The following ABLIM3 variants were observed in gnomAD, a reference collection of about 807,000 sequenced individuals.
The protein encoded by ABLIM3 is actin-binding LIM protein 3.
Under a neutral mutation model 109.5 loss-of-function variants are expected in ABLIM3, and 61 were observed. The ratio of observed to expected loss-of-function variants is 0.56; its 90% CI spans 0.45 to 0.69. The LOEUF (loss-of-function observed/expected upper bound fraction) is 0.69, where lower values mean the gene tolerates loss of function less well. ABLIM3 is among the 30% of genes least tolerant of loss of function. ABLIM3 has a pLI of 0.00. For synonymous variants in ABLIM3, 300 were observed against 324.8 expected (o/e 0.92, Z 0.82); for missense variants, 796 against 889.5 (o/e 0.89, Z 1.34).
In ABLIM3 at chr5:149,200,320, C is replaced by G. The variant is rs1443698458; in HGVS notation, c.340C>G (p.Pro114Ala). Residue 114 changes from proline to alanine, a missense_variant, in exon 5 of 24, where the codon CCT (proline) becomes GCT (alanine). Transcript: ENST00000309868. ...KCFVCSLCRKPFPIGDKVTFS... is the reference protein window; with the variant it reads ...KCFVCSLCRKAFPIGDKVTFS... ...TCTCCCTCATCCCACTTGCAGGAAG[C>G]CTTTCCCCATTGGAGACAAGGTGAC... is the stretch of plus-strand genomic sequence containing the variant. The G allele has an allele frequency of 6.2e-7, 1 of 1,614,046 alleles. No homozygotes were observed. The highest frequency in any genetic ancestry group is 2.2e-5 in the East Asian group (1 of 44,902).
Position 149,244,642 on chromosome 5 carries a change from A to T in ABLIM3, c.1352-239A>T. 3 of 532,850 alleles carry T rather than the reference A, an allele frequency of 5.6e-6. No homozygotes were observed. In the South Asian group the frequency reaches 6.5e-5, roughly 12 times the overall value. 33.0% of individuals were successfully genotyped at this position (532,850 alleles called of 1,614,324 possible). ...GGTCCAGTTCTGGTGCTCACATGCT[A>T]TGTGGTCTTAAGCAAGCCCCTTCCC... On this transcript the variant is annotated intron_variant, in intron 15 of 23. Transcript: ENST00000309868.
chr5:149,234,805 T>C (rs991288522), intron 10 of ABLIM3, among the ~76,000 whole-genome samples: 1 of 152,184 alleles, frequency 6.6e-6, no homozygotes. Context: ...AATATGAGTA[T>C]GTTTCCAGAA....
rs377116200 is a variant in ABLIM3 at position 149,209,126 on chromosome 5, T to A, written c.576-1600T>A. On this transcript the variant is annotated intron_variant, in intron 6 of 23. Coordinates refer to ENST00000309868, the MANE Select transcript of ABLIM3 (RefSeq NM_014945.5). ...TGCTAGCAGGAGTTTGGCATTCCCC[T>A]CTATGCCCACCAAGCAAGGAGTGCC... 4.9e-4 allele frequency among the ~76,000 whole-genome samples: 74 copies of A among 152,216 alleles called. 1 individual carries two copies. The South Asian group carries it at 6.0e-3, about 12-fold the overall frequency.
At chr5:149,141,959 G>A in intron 1 of ABLIM3, 50 bp from the exon 2 acceptor site, 1 of 1,249,342 alleles carries the variant, frequency 8.0e-7, no homozygotes. Flanking sequence ...GAGGGAGAGA[G>A]AGCACCTGAG....
chr5:149,200,072 A>G, intron 4 of ABLIM3, among the ~76,000 whole-genome samples: 1 of 152,336 alleles, frequency 6.6e-6, no homozygotes, highest in East Asian at 1.9e-4. Flanking sequence ...CTAGACAAGT[A>G]AGGTCAGATA....
intron 8 of ABLIM3, among the ~76,000 whole-genome samples, chr5:149,226,934 G>A (rs548303338): frequency 1.3e-5 from 2 of 152,072 alleles, no homozygotes; most frequent in Non-Finnish European, 2.9e-5. Flanking sequence ...GCCGGGTGTT[G>A]TAGTGCATGT....
At chr5:149,229,605 T>A (rs1482170072) in intron 8 of ABLIM3, among the ~76,000 whole-genome samples, 1 of 152,220 alleles carries the variant, frequency 6.6e-6, no homozygotes, top group Non-Finnish European at 1.5e-5. Flanking sequence ...AAGCATAATA[T>A]AAAGTATATC....
chr5:149,197,477 A>G (rs781125249), intron 3 of ABLIM3, among the ~76,000 whole-genome samples: 2 of 152,036 alleles, frequency 1.3e-5, no homozygotes, highest in Non-Finnish European at 1.5e-5. Flanking sequence ...CATTTTTTCT[A>G]TATGATCTTC....
intron 7 of ABLIM3, among the ~76,000 whole-genome samples, chr5:149,212,849 G>A (rs1293958591): frequency 6.6e-6 from 1 of 152,160 alleles, no homozygotes; most frequent in East Asian, 1.9e-4. Flanking sequence ...CAGAGGCTGG[G>A]AGTGGTGGCT....
intron 10 of ABLIM3, among the ~76,000 whole-genome samples, chr5:149,236,250 G>T (rs1368453599): frequency 6.6e-6 from 1 of 152,194 alleles, no homozygotes; most frequent in Non-Finnish European, 1.5e-5. Flanking sequence ...ATGTGGCAGG[G>T]ATACAATAGT....
chr5:149,202,092 T>C (rs1228252516), intron 5 of ABLIM3, among the ~76,000 whole-genome samples: 2 of 152,148 alleles, frequency 1.3e-5, no homozygotes, highest in African/African-American at 4.8e-5. Context: ...CCAAAAGAGG[T>C]TGAGAATGAG....
chr5:149,244,835 C>A (rs1489088796), intron 15 of ABLIM3, 46 bp from the exon 16 acceptor site: 1 of 1,613,830 alleles, frequency 6.2e-7, no homozygotes, highest in Non-Finnish European at 8.5e-7. Flanking sequence ...CAGTCCCATC[C>A]CGGTCACTCT....
At chr5:149,249,978 C>T in intron 19 of ABLIM3, 134 bp downstream of exon 19, 2 of 1,122,608 alleles carry the variant, frequency 1.8e-6, no homozygotes, top group South Asian at 2.7e-5. Flanking sequence ...AAATAGTCTA[C>T]TCCATTGTAT....
At chr5:149,189,610 C>T (rs115532084) in intron 3 of ABLIM3, among the ~76,000 whole-genome samples, 99 of 152,252 alleles carry the variant, frequency 6.5e-4, no homozygotes, top group South Asian at 1.0e-3. Context: ...AAAAAATGCT[C>T]GACATCATTA....
At chr5:149,180,185 A>G (rs1253480363) in intron 2 of ABLIM3, among the ~76,000 whole-genome samples, 2 of 152,246 alleles carry the variant, frequency 1.3e-5, no homozygotes, top group Non-Finnish European at 2.9e-5. Flanking sequence ...GTGTAAGTCA[A>G]TTTGGAATTC....
chr5:149,215,120 G>A (rs1312090746), intron 7 of ABLIM3, among the ~76,000 whole-genome samples: 1 of 152,158 alleles, frequency 6.6e-6, no homozygotes, highest in Non-Finnish European at 1.5e-5. Flanking sequence ...AGGTAGTGGG[G>A]CATGACATTT....
chr5:149,259,160 G>A lies in ABLIM3; in HGVS notation c.*756G>A. ...GGACTTGGAGAACCAGAGGAAAAGA[G>A]AGGGAGCGGAAGTGGGAGATGGAGC... On this transcript the variant is annotated 3_prime_UTR_variant, in exon 24 of 24. Coordinates refer to ENST00000309868, the MANE Select transcript of ABLIM3 (RefSeq NM_014945.5). The A allele has an allele frequency of 1.9e-6, 2 of 1,026,962 alleles. No homozygotes were observed. Among genetic ancestry groups the A allele is most frequent in the East Asian group, 8.8e-5 (1 of 11,332 alleles). 63.6% of individuals were successfully genotyped at this position (1,026,962 alleles called of 1,614,324 possible).
intron 2 of ABLIM3, among the ~76,000 whole-genome samples, chr5:149,161,116 GGAGCC>G (rs1561540686): frequency 6.6e-6 from 1 of 152,120 alleles, no homozygotes; most frequent in Non-Finnish European, 1.5e-5. Context: ...TCCCAGGTCC[GGAGCC>G]TGTCCTCTAG....
intron 18 of ABLIM3, among the ~76,000 whole-genome samples, chr5:149,249,589 C>T (rs1222605791): frequency 6.6e-6 from 1 of 152,152 alleles, no homozygotes; most frequent in Non-Finnish European, 1.5e-5. Flanking sequence ...TCACAGAGCA[C>T]CTGCCCTGTG....
Sources: gnomAD v4.1 joint callset for allele counts (sites outside exome capture counted in the v4.1 genomes callset) on GRCh38, gnomAD v4.1.1 for gene constraint, MANE v1.5 for transcripts, NCBI Gene and HGNC (gene_info 2026-07-23, HGNC 2026-07-21) for gene names.